The following MEGF11 variants were observed in gnomAD, a reference collection of about 807,000 sequenced individuals.
The protein encoded by MEGF11 is multiple EGF like domains 11, also known as multiple epidermal growth factor-like domains protein 11.
Under a neutral mutation model 146.6 loss-of-function variants are expected in MEGF11, and 126 were observed. The ratio of observed to expected loss-of-function variants is 0.86; its 90% confidence interval spans 0.74 to 1.00. The LOEUF (loss-of-function observed/expected upper bound fraction) is 1.00, where lower values mean the gene tolerates loss of function less well. Ranked by LOEUF, MEGF11 falls within the 50% of genes least tolerant of loss-of-function variation. The pLI is 0.00. For synonymous variants in MEGF11, 532 were observed against 583.4 expected (o/e 0.91, Z 1.27); for missense variants, 1,509 against 1,521.2 (o/e 0.99, Z 0.13).
chr15:66,070,872 T>G (rs1287248648), intron 5 of MEGF11, among the ~76,000 whole-genome samples: 1 of 152,130 alleles, frequency 6.6e-6, no homozygotes, highest in East Asian at 1.9e-4. Context: ...CCCTAGACTT[T>G]AGTGTAGTCA....
At chr15:66,049,182 G>A (rs2084351887) in intron 5 of MEGF11, among the ~76,000 whole-genome samples, 1 of 152,216 alleles carries the variant, frequency 6.6e-6, no homozygotes, top group South Asian at 2.1e-4. Flanking sequence ...ATTATTTCCT[G>A]GACTGACTGC....
chr15:66,225,264 G>C (rs1035107247), intron 1 of MEGF11, among the ~76,000 whole-genome samples: 5 of 152,250 alleles, frequency 3.3e-5, no homozygotes, highest in Non-Finnish European at 7.3e-5. Context: ...CCATCCTGGG[G>C]AAGAGGCAGC....
chr15:66,238,034 G>A (rs970607398), intron 1 of MEGF11, among the ~76,000 whole-genome samples: 15 of 152,184 alleles, frequency 9.9e-5, no homozygotes, highest in African/African-American at 2.4e-4. Context: ...CTGGGGCTTC[G>A]CAGTGGTGGT....
chr15:66,227,548 T>C (rs1424916161), intron 1 of MEGF11, among the ~76,000 whole-genome samples: 1 of 152,106 alleles, frequency 6.6e-6, no homozygotes, highest in Non-Finnish European at 1.5e-5. Flanking sequence ...ACGCCAGGAA[T>C]TCTTTCCACT....
At chr15:65,925,861 C>T (rs1341661619) in intron 13 of MEGF11, among the ~76,000 whole-genome samples, 2 of 152,184 alleles carry the variant, frequency 1.3e-5, no homozygotes, top group African/African-American at 4.8e-5. Flanking sequence ...TGGATGTCTG[C>T]CCAGGGAGAC....
intron 5 of MEGF11, among the ~76,000 whole-genome samples, chr15:66,041,625 T>C (rs1228742181): frequency 6.6e-6 from 1 of 152,252 alleles, no homozygotes; most frequent in African/African-American, 2.4e-5. Context: ...CTTTGTATGC[T>C]ACCTGTGTCT....
At chr15:65,972,501 G>T (rs2081326975) in intron 7 of MEGF11, among the ~76,000 whole-genome samples, 1 of 151,798 alleles carries the variant, frequency 6.6e-6, no homozygotes, top group Non-Finnish European at 1.5e-5. Context: ...TTGAGCCCAG[G>T]AGTTGGAGAC....
At chr15:66,206,497 C>T (rs556508613) in intron 1 of MEGF11, among the ~76,000 whole-genome samples, 38 of 152,232 alleles carry the variant, frequency 2.5e-4, no homozygotes, top group African/African-American at 8.9e-4. Context: ...GATTATTACA[C>T]TTCTGAAAAT....
intron 7 of MEGF11, among the ~76,000 whole-genome samples, chr15:65,974,169 A>C (rs2081380116): frequency 6.6e-6 from 1 of 152,184 alleles, no homozygotes; most frequent in Non-Finnish European, 1.5e-5. Flanking sequence ...GCCAGACCAG[A>C]GTCATCTTTC....
chr15:66,060,183 T>G (rs1597040331), intron 5 of MEGF11, among the ~76,000 whole-genome samples: 2 of 145,568 alleles, frequency 1.4e-5, no homozygotes, highest in Non-Finnish European at 1.5e-5. Flanking sequence ...GGCTAAGGAG[T>G]CAGAGGGATG....
intron 4 of MEGF11, among the ~76,000 whole-genome samples, chr15:66,097,470 G>A (rs1404391003): frequency 6.6e-6 from 1 of 152,178 alleles, no homozygotes; most frequent in Non-Finnish European, 1.5e-5. Flanking sequence ...GGGAGGGGTT[G>A]GGTTAGGGTG....
At chr15:65,980,565 A>C (rs1375680412) in intron 7 of MEGF11, among the ~76,000 whole-genome samples, 8 of 151,938 alleles carry the variant, frequency 5.3e-5, no homozygotes. Flanking sequence ...CGCCTGGCTA[A>C]TTTTTGTATT....
rs549332813 is a variant in MEGF11, at chr15:65,970,050, A to G, written c.899+503T>C. Among the ~76,000 whole-genome samples, 4 of 150,880 alleles carry G rather than the reference A, an allele frequency of 2.7e-5. No homozygotes were observed. The East Asian group carries it at 7.8e-4, about 29-fold the overall frequency. On this transcript the variant is annotated intron_variant, in intron 8 of 25. Transcript: ENST00000395614. Reference sequence around the variant, plus strand: ...CAGTTCTGTGTTTTTTTGATTATCCACTCTGCAAGGCTGGTTTCATTCCAG... The same window carrying G: ...CAGTTCTGTGTTTTTTTGATTATCCGCTCTGCAAGGCTGGTTTCATTCCAG...
intron 10 of MEGF11, among the ~76,000 whole-genome samples, chr15:65,936,630 C>T (rs1347547339): frequency 1.3e-5 from 2 of 152,208 alleles, no homozygotes; most frequent in Non-Finnish European, 2.9e-5. Flanking sequence ...AGTACCCACA[C>T]AGGTATACTC....
chr15:66,107,535 T>C (rs1336782190), intron 4 of MEGF11, among the ~76,000 whole-genome samples: 1 of 152,224 alleles, frequency 6.6e-6, no homozygotes, highest in East Asian at 1.9e-4. Context: ...TCCTGGGTTC[T>C]GCGACAGTAA....
intron 1 of MEGF11, among the ~76,000 whole-genome samples, chr15:66,193,488 T>C (rs550662977): frequency 1.3e-5 from 2 of 152,250 alleles, no homozygotes; most frequent in Admixed American, 1.3e-4. Flanking sequence ...AATAGAATAA[T>C]TAGATAAGTA....
At position 65,912,002 on chromosome 15, in the gene MEGF11, C is replaced by T. The variant is rs1322861428; in HGVS notation, c.2829+80G>A. On this transcript the variant is annotated intron_variant, in intron 21 of 25. Coordinates refer to ENST00000395614, the MANE Select transcript of MEGF11 (RefSeq NM_001385028.1). ...CATGGACCCTCCATGTGGCGGGGGG[C>T]GTGCAGTTCCTTCCTGGGCAGAGGT... 3.4e-5 allele frequency: 25 copies of T among 735,064 alleles called. No homozygotes were observed. The Admixed American group carries it at 8.2e-4, about 24-fold the overall frequency. 45.5% of individuals were successfully genotyped at this position (735,064 alleles called of 1,614,324 possible). A position where few individuals can be genotyped will look rare whatever the true frequency, so the allele number is the denominator to read the frequency against.
chr15:66,119,604 C>T (rs1254956290), intron 3 of MEGF11, among the ~76,000 whole-genome samples: 2 of 152,080 alleles, frequency 1.3e-5, no homozygotes, highest in Non-Finnish European at 1.5e-5. Context: ...TCTAACAAGC[C>T]AGACTGCTCA....
chr15:66,036,716 A>G (rs1342453787), intron 5 of MEGF11, among the ~76,000 whole-genome samples: 1 of 152,228 alleles, frequency 6.6e-6, no homozygotes, highest in Non-Finnish European at 1.5e-5. Flanking sequence ...TTAATTCACC[A>G]AATAAATTGA....
Sources: allele counts gnomAD v4.1 joint callset (sites outside exome capture counted in the v4.1 genomes callset), GRCh38; gene constraint gnomAD v4.1.1; transcripts MANE v1.5; gene names NCBI Gene and HGNC (gene_info 2026-07-23, HGNC 2026-07-21).